GCNT1: variants seen among roughly 807,000 people sequenced by gnomAD.
GCNT1 encodes beta-1,3-galactosyl-O-glycosyl-glycoprotein beta-1,6-N-acetylglucosaminyltransferase.
In GCNT1, 16 loss-of-function variants were observed where a neutral mutation model predicts 26.2. The observed-to-expected ratio is 0.61, with a 90% CI of 0.41 to 0.93. GCNT1 has a LOEUF of 0.93. Among genes scored for constraint, GCNT1 ranks in the 40% least tolerant of loss-of-function variants. The pLI is 0.00. For synonymous variants in GCNT1, 183 were observed against 190.8 expected (o/e 0.96, Z 0.34); for missense variants, 477 against 526.7 (o/e 0.91, Z 0.92).
At chr9:76,474,477 C>T (rs948476039) in intron 2 of GCNT1, among the ~76,000 whole-genome samples, 1 of 152,066 alleles carries the variant, frequency 6.6e-6, no homozygotes, top group African/African-American at 2.4e-5. Context: ...TTTGGAAATA[C>T]CCTTAATATC....
intron 1 of GCNT1, among the ~76,000 whole-genome samples, chr9:76,445,269 T>C (rs576718738): frequency 1.3e-4 from 20 of 152,174 alleles, no homozygotes; most frequent in African/African-American, 4.3e-4. Context: ...AGTGGAAGGG[T>C]TGGCTTTACT....
the GCNT1 span, among the ~76,000 whole-genome samples, chr9:76,401,179 A>G: frequency 6.6e-6 from 1 of 152,224 alleles, no homozygotes; most frequent in East Asian, 1.9e-4. Flanking sequence ...TCAGAATTCT[A>G]CCTTGGAAAA....
chr9:76,421,622 AC>A (rs57128521), intron 1 of GCNT1, among the ~76,000 whole-genome samples: 21,948 of 117,806 alleles, frequency 0.19, 2,145 homozygotes, highest in East Asian at 0.24. Flanking sequence ...AAAAAAAAAA[AC>A]CACAACAAAA....
At position 76,502,680 on chromosome 9, in the gene GCNT1, GTTC is replaced by G. The variant is rs762537725; in HGVS notation, c.305_307del (p.Ser102del). 3 of 1,614,130 alleles carry G rather than the reference GTTC, an allele frequency of 1.9e-6. No individual in the cohort carries two copies. Among genetic ancestry groups the G allele is most frequent in the East Asian group, 2.2e-5 (1 of 44,878 alleles). On this transcript the variant is annotated inframe_deletion, in exon 4 of 4. Transcript: ENST00000376730. ...GACTATATAAACATGACCAGTGACTGTTCTTCTTTCATCAAGAGACGCAAATAT... is the reference window on the plus strand; with the variant it reads ...GACTATATAAACATGACCAGTGACTGTTCTTTCATCAAGAGACGCAAATAT...
intron 2 of GCNT1, among the ~76,000 whole-genome samples, chr9:76,464,302 C>T (rs1448991010): frequency 1.3e-5 from 2 of 152,032 alleles, no homozygotes; most frequent in Non-Finnish European, 2.9e-5. Flanking sequence ...CTGCAACCTC[C>T]ACCTCCCAGG....
chr9:76,503,770 T>C lies in GCNT1; in HGVS notation c.*102T>C. ...ATCGGGAAGATGGTATGAAGTCCTC[T>C]TTGGGGCAGGGACTCTAGTAGATCT... On this transcript the variant is annotated 3_prime_UTR_variant, in exon 4 of 4. Transcript: ENST00000376730. The C allele has an allele frequency of 1.1e-6, 1 of 917,346 alleles. No homozygotes were observed. The highest frequency in any genetic ancestry group is 1.8e-6 in the Non-Finnish European group (1 of 569,956). The allele number at this position is 917,346 out of a possible 1,614,324, so 56.8% of individuals were successfully genotyped here.
intron 1 of GCNT1, among the ~76,000 whole-genome samples, chr9:76,428,291 T>TA (rs1564220598): frequency 1.3e-5 from 1 of 77,026 alleles, no homozygotes; most frequent in Admixed American, 1.2e-4. Flanking sequence ...AAAAAAAAAC[T>TA]TAAAAAAAAA....
rs773662457 is a variant in GCNT1 at position 76,443,709 on chromosome 9, C to T, written c.-290+1394C>T. 1.4e-4 allele frequency among the ~76,000 whole-genome samples: 21 copies of T among 152,034 alleles called. No individual in the cohort carries two copies. The East Asian group carries it at 2.9e-3, about 21-fold the overall frequency. Reference sequence around the variant, plus strand: ...TTTTGGGGGATTTGTTCCCAACATCCGTCTCTACTAAAGATACAAAAGCTA... The same window carrying T: ...TTTTGGGGGATTTGTTCCCAACATCTGTCTCTACTAAAGATACAAAAGCTA... On this transcript the variant is annotated intron_variant, in intron 1 of 2. Coordinates refer to the GCNT1 transcript ENST00000442371.
chr9:76,439,185 T>C (rs1045977503), upstream of GCNT1, among the ~76,000 whole-genome samples: 7 of 152,078 alleles, frequency 4.6e-5, no homozygotes, highest in African/African-American at 1.7e-4. Context: ...TCAGAAACTC[T>C]GATGTGCAGT....
At chr9:76,428,699 A>ATTTT (rs5898475) in intron 1 of GCNT1, among the ~76,000 whole-genome samples, 4 of 130,120 alleles carry the variant, frequency 3.1e-5, no homozygotes, top group African/African-American at 2.9e-5. Flanking sequence ...TGCGTATTCT[A>ATTTT]TTTTTTTTTT....
the GCNT1 span, chr9:76,399,096 C>T: frequency 1.3e-6 from 2 of 1,591,288 alleles, no homozygotes; most frequent in Admixed American, 1.7e-5. Flanking sequence ...GACCACCAGC[C>T]TCTCACGGAG....
At chr9:76,484,321 G>C (rs1345740990) in intron 2 of GCNT1, among the ~76,000 whole-genome samples, 2 of 149,226 alleles carry the variant, frequency 1.3e-5, no homozygotes, top group Non-Finnish European at 3.0e-5. Flanking sequence ...AGTGAGCCAA[G>C]ATAATGACAT....
chr9:76,482,675 T>C (rs973820767), intron 2 of GCNT1, among the ~76,000 whole-genome samples: 2 of 151,972 alleles, frequency 1.3e-5, no homozygotes, highest in Admixed American at 6.6e-5. Flanking sequence ...GACAGGGTCT[T>C]GCTCTCTTAC....
rs554437944 is a variant in GCNT1 at position 76,499,112 on chromosome 9, A to AT, written c.-289-1802dup. ...TCATTGTTTTTGAATGATTTTGCTC[A>AT]TTATAGAATTTTTGGTTAACAATCC... On this transcript the variant is annotated intron_variant, in intron 2 of 3. Coordinates refer to ENST00000376730, the MANE Select transcript of GCNT1 (RefSeq NM_001490.5). Among the ~76,000 whole-genome samples the AT allele has an allele frequency of 3.3e-3, 499 of 151,308 alleles. 2 individuals carry two copies. Among genetic ancestry groups the AT allele is most frequent in the African/African-American group, 0.011 (437 of 41,144 alleles).
the GCNT1 span, chr9:76,394,279 C>A: frequency 9.0e-7 from 1 of 1,115,404 alleles, no homozygotes; most frequent in South Asian, 1.6e-5. Flanking sequence ...GGAGCGTGAG[C>A]TCTGCCTGCC....
chr9:76,444,709 G>C (rs1823547555), intron 1 of GCNT1, among the ~76,000 whole-genome samples: 1 of 152,304 alleles, frequency 6.6e-6, no homozygotes, highest in South Asian at 2.1e-4. Context: ...AAAACAATCA[G>C]GTTCTTCCAG....
intron 2 of GCNT1, among the ~76,000 whole-genome samples, chr9:76,481,794 G>T (rs80307788): frequency 0.026 from 3,998 of 152,234 alleles, 92 homozygotes; most frequent in Non-Finnish European, 0.037. Flanking sequence ...AGACTCCTGG[G>T]CCAGAGATGA....
the GCNT1 span, among the ~76,000 whole-genome samples, chr9:76,397,324 AGG>A: frequency 6.6e-6 from 1 of 151,668 alleles, no homozygotes; most frequent in African/African-American, 2.4e-5. Flanking sequence ...AAAAAAAAAA[AGG>A]AGAGTCTTGT....
chr9:76,446,728 G>A (rs1218172185), intron 1 of GCNT1, among the ~76,000 whole-genome samples: 1 of 152,152 alleles, frequency 6.6e-6, no homozygotes, highest in Non-Finnish European at 1.5e-5. Context: ...AAAGAACAAA[G>A]AGGCTTTATA....
Sources: gnomAD v4.1 joint callset for allele counts (sites outside exome capture counted in the v4.1 genomes callset) on GRCh38, gnomAD v4.1.1 for gene constraint, MANE v1.5 for transcripts, NCBI Gene and HGNC (gene_info 2026-07-23, HGNC 2026-07-21) for gene names.